The following ZNF804B variants were observed in gnomAD, a reference collection of about 807,000 sequenced individuals.
The protein encoded by ZNF804B is zinc finger 804B.
A neutral mutation model predicts 101.4 loss-of-function variants in ZNF804B; 80 were observed. That is an observed-to-expected ratio of 0.79 (90% CI 0.66 to 0.95). The LOEUF is 0.95. Ranked by LOEUF, ZNF804B falls within the 40% of genes least tolerant of loss-of-function variation. The pLI, the probability that ZNF804B is intolerant of heterozygous loss-of-function variation, is 0.00. For missense variants in ZNF804B, 1,673 were observed against 1,561.9 expected (o/e 1.07, Z -1.20); for synonymous variants, 622 against 558.8 (o/e 1.11, Z -1.59).
chr7:89,128,197 C>T (rs941717079), intron 1 of ZNF804B, among the ~76,000 whole-genome samples: 5 of 151,574 alleles, frequency 3.3e-5, no homozygotes, highest in Non-Finnish European at 5.9e-5. Context: ...CATCTTTGTA[C>T]TTTAGACAAT....
At chr7:89,328,134 T>A (rs1790925370) in intron 3 of ZNF804B, among the ~76,000 whole-genome samples, 1 of 151,968 alleles carries the variant, frequency 6.6e-6, no homozygotes, top group Non-Finnish European at 1.5e-5. Context: ...AGCTAATTAA[T>A]GTGTTTGACA....
At chr7:88,877,007 A>AAATATATATATATAATATATATATTAT (rs1487886166) in intron 1 of ZNF804B, among the ~76,000 whole-genome samples, 1 of 75,216 alleles carries the variant, frequency 1.3e-5, no homozygotes, top group African/African-American at 9.4e-5. Context: ...TGAAAAAAAA[A>AAATATATATATATAATATATATATTAT]ATATATATAT....
chr7:89,104,791 G>A (rs1161919554), intron 1 of ZNF804B, among the ~76,000 whole-genome samples: 2 of 151,612 alleles, frequency 1.3e-5, no homozygotes, highest in African/African-American at 4.8e-5. Flanking sequence ...ATTAATATTT[G>A]TAAGATCTGT....
intron 1 of ZNF804B, among the ~76,000 whole-genome samples, chr7:89,209,316 A>G (rs2115673382): frequency 6.6e-6 from 1 of 152,164 alleles, no homozygotes; most frequent in Non-Finnish European, 1.5e-5. Context: ...GAGGAGAAAA[A>G]AATCCCTTTC....
intron 1 of ZNF804B, among the ~76,000 whole-genome samples, chr7:88,938,114 A>G (rs543018478): frequency 6.6e-6 from 1 of 152,132 alleles, no homozygotes; most frequent in South Asian, 2.1e-4. Context: ...CAGGGTTGGA[A>G]GTGGGGAGGG....
At chr7:89,281,284 G>A (rs1204523191) in intron 2 of ZNF804B, among the ~76,000 whole-genome samples, 1 of 152,036 alleles carries the variant, frequency 6.6e-6, no homozygotes, top group East Asian at 1.9e-4. Context: ...CAATAGCTCT[G>A]TATTAATTAT....
chr7:88,910,693 T>A lies in ZNF804B; in HGVS notation c.108+150609T>A, dbSNP rs148619927. The stretch of plus-strand genomic sequence containing the variant: ...TTAGGTGAGAGAATGTTTCATCTGC[T>A]CTCTACCTTAAGCAGACTGTTGTAT... On this transcript the variant is annotated intron_variant, in intron 1 of 3. Coordinates refer to ENST00000333190, the MANE Select transcript of ZNF804B (RefSeq NM_181646.5). Among the ~76,000 whole-genome samples, 21 of 152,032 alleles carry A rather than the reference T, an allele frequency of 1.4e-4. No homozygotes were observed. The East Asian group carries it at 3.1e-3, about 22-fold the overall frequency.
chr7:88,793,123 T>C (rs571392416), intron 1 of ZNF804B, among the ~76,000 whole-genome samples: 1 of 152,126 alleles, frequency 6.6e-6, no homozygotes. Flanking sequence ...TCGTAAGATG[T>C]TAAGGTGATT....
intron 1 of ZNF804B, among the ~76,000 whole-genome samples, chr7:88,869,709 G>T (rs60082936): frequency 0.22 from 33,845 of 151,992 alleles, 4,570 homozygotes; most frequent in African/African-American, 0.39. Context: ...ATGTGTGGGG[G>T]TATGTCTCAA....
At chr7:88,984,205 CT>C (rs1391644570) in intron 1 of ZNF804B, among the ~76,000 whole-genome samples, 1 of 152,012 alleles carries the variant, frequency 6.6e-6, no homozygotes, top group Non-Finnish European at 1.5e-5. Flanking sequence ...TGAAAACTGT[CT>C]GCTTAAGTAT....
chr7:89,323,051 G>C (rs758604977), intron 2 of ZNF804B, among the ~76,000 whole-genome samples: 1 of 152,230 alleles, frequency 6.6e-6, no homozygotes, highest in African/African-American at 2.4e-5. Context: ...TAGCCTTCGT[G>C]AGTGGGATTA....
chr7:89,285,750 C>A (rs114441440), intron 2 of ZNF804B, among the ~76,000 whole-genome samples: 4,689 of 150,298 alleles, frequency 0.031, 219 homozygotes, highest in African/African-American at 0.11. Flanking sequence ...TGTGCAAATG[C>A]AGTTGGGTTT....
Position 89,333,732 on chromosome 7 carries a change from G to A in ZNF804B, c.750G>A (p.Lys250=). Residue 250 remains lysine (K), a synonymous_variant, in exon 4 of 4, where the codon AAG becomes AAA. Coordinates refer to ENST00000333190, the MANE Select transcript of ZNF804B (RefSeq NM_181646.5). The part of the protein sequence containing the change: ...ENTEETHDCN[K]SPIYKTKQTA... Reference sequence around the variant, plus strand: ...CAGAAGAAACCCATGATTGTAACAAGTCACCCATTTATAAAACAAAACAAA... The same window carrying A: ...CAGAAGAAACCCATGATTGTAACAAATCACCCATTTATAAAACAAAACAAA... 1 of 1,613,508 alleles carries A rather than the reference G, an allele frequency of 6.2e-7. No homozygotes were observed. Among genetic ancestry groups the A allele is most frequent in the Non-Finnish European group, 8.5e-7 (1 of 1,179,736 alleles).
chr7:89,285,654 A>G (rs981335844), intron 2 of ZNF804B, among the ~76,000 whole-genome samples: 25 of 150,968 alleles, frequency 1.7e-4, no homozygotes, highest in African/African-American at 4.4e-4. Flanking sequence ...CCTATTTTAG[A>G]AAAAAAAAGC....
At chr7:89,056,903 C>A (rs1376785336) in intron 1 of ZNF804B, among the ~76,000 whole-genome samples, 1 of 152,074 alleles carries the variant, frequency 6.6e-6, no homozygotes, top group Non-Finnish European at 1.5e-5. Flanking sequence ...AACCTCAAAT[C>A]TATCTTCCAG....
chr7:88,789,441 C>T (rs1284094486), intron 1 of ZNF804B, among the ~76,000 whole-genome samples: 1 of 152,056 alleles, frequency 6.6e-6, no homozygotes, highest in Admixed American at 6.6e-5. Context: ...CACTGTTATA[C>T]CAGTATACTG....
Position 89,150,022 on chromosome 7 carries a change from A to T in ZNF804B, c.109-68133A>T, listed in dbSNP as rs73395219. Among the ~76,000 whole-genome samples, 624 of 152,114 alleles carry T rather than the reference A, an allele frequency of 4.1e-3. 6 individuals are homozygous for T. The highest frequency in any genetic ancestry group is 0.014 in the African/African-American group (595 of 41,512). ...TTTCAGTTACTTGCAGTCAACCTTGATCCAAAAATATTAAGCAGAAAATAT... is the reference window on the plus strand; with the variant it reads ...TTTCAGTTACTTGCAGTCAACCTTGTTCCAAAAATATTAAGCAGAAAATAT... On this transcript the variant is annotated intron_variant, in intron 1 of 3. Coordinates refer to ENST00000333190, the MANE Select transcript of ZNF804B (RefSeq NM_181646.5).
At chr7:88,854,535 CTT>C (rs1256670685) in intron 1 of ZNF804B, among the ~76,000 whole-genome samples, 5 of 72,298 alleles carry the variant, frequency 6.9e-5, no homozygotes, top group Admixed American at 6.9e-4. Flanking sequence ...CCTTTCCTTC[CTT>C]CCTTCCTTCC....
intron 1 of ZNF804B, among the ~76,000 whole-genome samples, chr7:88,999,118 T>G (rs1337734579): frequency 2.0e-5 from 3 of 152,022 alleles, no homozygotes; most frequent in Non-Finnish European, 4.4e-5. Context: ...TATGATGAAA[T>G]CATGAGATTT....
Sources: allele counts gnomAD v4.1 joint callset (sites outside exome capture counted in the v4.1 genomes callset), GRCh38; gene constraint gnomAD v4.1.1; transcripts MANE v1.5; gene names NCBI Gene and HGNC (gene_info 2026-07-23, HGNC 2026-07-21).